The following TPP2 variants were observed in gnomAD, a reference collection of about 807,000 sequenced individuals.
TPP2 encodes the protein tripeptidyl-peptidase 2.
Under a neutral mutation model 155.9 loss-of-function variants are expected in TPP2, and 34 were observed. That is an observed-to-expected ratio of 0.22 (90% CI 0.17 to 0.29). The LOEUF is 0.29. Ranked by LOEUF, TPP2 falls within the 10% of genes least tolerant of loss-of-function variation. The probability of loss-of-function intolerance (pLI) is 1.00; values close to 1 mark genes in which losing one functional copy is unlikely to be tolerated. For synonymous variants in TPP2, 510 were observed against 529.4 expected (o/e 0.96, Z 0.50); for missense variants, 1,028 against 1,522.3 (o/e 0.68, Z 5.40).
chr13:102,605,646 C>T (rs1184860589), intron 2 of TPP2, among the ~76,000 whole-genome samples: 1 of 150,896 alleles, frequency 6.6e-6, no homozygotes, highest in Non-Finnish European at 1.5e-5. Flanking sequence ...TTAACTTGAC[C>T]ATGAAGAAAT....
At chr13:102,603,203 T>C (rs892096335) in intron 1 of TPP2, among the ~76,000 whole-genome samples, 5 of 152,230 alleles carry the variant, frequency 3.3e-5, no homozygotes, top group Non-Finnish European at 5.9e-5. Context: ...TAATGAAGTA[T>C]TCATTGAATG....
chr13:102,606,287 G>A (rs1879820378), intron 2 of TPP2, among the ~76,000 whole-genome samples: 1 of 152,120 alleles, frequency 6.6e-6, no homozygotes, highest in African/African-American at 2.4e-5. Context: ...GCAGCATATT[G>A]GCTTTCTGTG....
Position 102,649,437 on chromosome 13 carries a change from A to C in TPP2, c.2903A>C (p.Tyr968Ser). 6.2e-7 allele frequency: 1 copy of C among 1,613,088 alleles called. No individual in the cohort carries two copies. ...KIPKGAGPGC[Y>S]LAGSLTLSKT... ...CCTAAAGGGGCAGGACCTGGATGCT[A>C]TCTTGCAGGATCCTTAACATTGTCA... The change falls in exon 23 of 30, where the codon TAT becomes TCT. Residue 968 changes from tyrosine to serine, a missense_variant. This residue lies in a region of TPP2 where 179 missense variants were observed against 274.7 expected (regional missense o/e 0.65). Transcript: ENST00000376052.
intron 25 of TPP2, among the ~76,000 whole-genome samples, chr13:102,662,049 G>A (rs889035435): frequency 6.6e-6 from 1 of 152,188 alleles, no homozygotes; most frequent in African/African-American, 2.4e-5. Flanking sequence ...CAAACAAAAT[G>A]TGGTGTATCC....
intron 25 of TPP2, 62 bp from the exon 26 acceptor site, chr13:102,663,586 A>T: frequency 8.6e-7 from 1 of 1,160,214 alleles, no homozygotes; most frequent in South Asian, 1.7e-5. Flanking sequence ...TAAATAATAG[A>T]GAAGACAAAT....
chr13:102,616,526 A>C (rs762452751), intron 4 of TPP2, 26 bp downstream of exon 4: 36 of 1,578,262 alleles, frequency 2.3e-5, no homozygotes, highest in Non-Finnish European at 2.9e-5. Context: ...TTTCATTTAA[A>C]CATTACCCTA....
intron 2 of TPP2, among the ~76,000 whole-genome samples, chr13:102,609,975 G>A (rs1367656112): frequency 6.6e-5 from 10 of 152,204 alleles, no homozygotes; most frequent in South Asian, 6.2e-4. Context: ...CAAATTTTCC[G>A]CCAGTCTTCT....
At chr13:102,640,981 CA>C (rs1882730213) in intron 16 of TPP2, among the ~76,000 whole-genome samples, 1 of 152,118 alleles carries the variant, frequency 6.6e-6, no homozygotes. Flanking sequence ...TCAGTTTAAA[CA>C]ATGCAGCTGT....
intron 9 of TPP2, 132 bp downstream of exon 9, chr13:102,629,741 T>C (rs539705214): frequency 1.0e-5 from 13 of 1,251,760 alleles, no homozygotes; most frequent in African/African-American, 4.7e-5. Context: ...AGGAAACTTA[T>C]AGTCTGGTAG....
At chr13:102,638,451 G>A in intron 15 of TPP2, 136 bp downstream of exon 15, 1 of 903,912 alleles carries the variant, frequency 1.1e-6, no homozygotes, top group South Asian at 1.5e-5. Flanking sequence ...CTCCCAGCTA[G>A]CATTTTTAGG....
At chr13:102,629,946 T>A (rs546039285) in intron 9 of TPP2, 150 bp from the exon 10 acceptor site, 3 of 666,248 alleles carry the variant, frequency 4.5e-6, no homozygotes, top group South Asian at 4.9e-5. Context: ...ATAGTAGACT[T>A]TCCTTGTTTC....
intron 20 of TPP2, 123 bp downstream of exon 20, chr13:102,646,513 AAC>A (rs1224932670): frequency 1.7e-6 from 1 of 605,814 alleles, no homozygotes; most frequent in Non-Finnish European, 2.7e-6. Context: ...TCAAGTGATT[AAC>A]AGTTAATTTG....
intron 6 of TPP2, among the ~76,000 whole-genome samples, chr13:102,624,509 T>G (rs1881422988): frequency 6.6e-6 from 1 of 152,166 alleles, no homozygotes; most frequent in South Asian, 2.1e-4. Context: ...TTATCCAGCC[T>G]TTCTCCACCC....
At chr13:102,649,621 T>A in intron 23 of TPP2, 135 bp downstream of exon 23, 2 of 694,698 alleles carry the variant, frequency 2.9e-6, no homozygotes, top group Non-Finnish European at 4.5e-6. Context: ...AATCCTTTTT[T>A]CCCAGGTTAC....
chr13:102,635,133 T>G (rs958925691), intron 11 of TPP2, among the ~76,000 whole-genome samples: 2 of 152,212 alleles, frequency 1.3e-5, no homozygotes, highest in African/African-American at 4.8e-5. Context: ...TAACAATCTC[T>G]GGGACAGTCC....
At chr13:102,631,866 G>C (rs1038382241) in intron 10 of TPP2, among the ~76,000 whole-genome samples, 1 of 152,162 alleles carries the variant, frequency 6.6e-6, no homozygotes, top group Non-Finnish European at 1.5e-5. Context: ...TTTGAAAAAC[G>C]CTGCCTCTGC....
intron 25 of TPP2, among the ~76,000 whole-genome samples, chr13:102,662,471 G>A (rs1595208524): frequency 2.0e-5 from 3 of 152,038 alleles, no homozygotes; most frequent in African/African-American, 4.8e-5. Flanking sequence ...AAAATTATTA[G>A]CATTCCCTAG....
intron 4 of TPP2, among the ~76,000 whole-genome samples, chr13:102,617,391 T>C (rs1208335714): frequency 6.6e-6 from 1 of 152,194 alleles, no homozygotes; most frequent in Non-Finnish European, 1.5e-5. Context: ...TATCTCTAAG[T>C]CACCTGAATT....
intron 2 of TPP2, among the ~76,000 whole-genome samples, chr13:102,607,178 A>T (rs957893102): frequency 6.6e-6 from 1 of 152,204 alleles, no homozygotes; most frequent in Non-Finnish European, 1.5e-5. Flanking sequence ...ATAAGTTTCA[A>T]TTGTCAGAGT....
Sources: gnomAD v4.1 joint callset for allele counts (sites outside exome capture counted in the v4.1 genomes callset) on GRCh38, gnomAD v4.1.1 for gene constraint, gnomAD v4.1.1 regional missense constraint, MANE v1.5 for transcripts, NCBI Gene and HGNC (gene_info 2026-07-23, HGNC 2026-07-21) for gene names.